MYRIP: variants seen among roughly 807,000 people sequenced by gnomAD.
MYRIP encodes the protein myosin VIIA and Rab interacting protein, also known as rab effector MyRIP.
MYRIP carries 49 observed loss-of-function variants against 98.0 expected under a neutral mutation model. The observed-to-expected ratio is 0.50, with a 90% CI of 0.40 to 0.63. The LOEUF (loss-of-function observed/expected upper bound fraction) is 0.63, where lower values mean the gene tolerates loss of function less well. Among genes scored for constraint, MYRIP ranks in the 30% least tolerant of loss-of-function variants. The pLI is 0.00. For missense variants in MYRIP, 1,004 were observed against 1,058.2 expected (o/e 0.95, Z 0.71); for synonymous variants, 404 against 409.5 (o/e 0.99, Z 0.16).
intron 3 of MYRIP, among the ~76,000 whole-genome samples, chr3:40,118,812 C>T (rs1949337346): frequency 6.6e-6 from 1 of 151,672 alleles, no homozygotes; most frequent in Non-Finnish European, 1.5e-5. Flanking sequence ...TCCATGTGTT[C>T]TCATTCTTCA....
At chr3:40,168,581 G>A (rs1439809967) in intron 7 of MYRIP, among the ~76,000 whole-genome samples, 1 of 152,174 alleles carries the variant, frequency 6.6e-6, no homozygotes, top group East Asian at 1.9e-4. Flanking sequence ...TTTATTTATT[G>A]CTCACACATC....
At chr3:39,976,778 T>A (rs571494229) in intron 2 of MYRIP, among the ~76,000 whole-genome samples, 1 of 152,094 alleles carries the variant, frequency 6.6e-6, no homozygotes, top group African/African-American at 2.4e-5. Context: ...CCATCATTCT[T>A]AGCAAACTAT....
chr3:39,929,844 G>C (rs1455352893), intron 2 of MYRIP, among the ~76,000 whole-genome samples: 1 of 151,926 alleles, frequency 6.6e-6, no homozygotes, highest in Non-Finnish European at 1.5e-5. Flanking sequence ...GTTGCCTTTT[G>C]TGTAGGGCTT....
At chr3:39,831,108 C>A (rs1174229120) in intron 1 of MYRIP, among the ~76,000 whole-genome samples, 1 of 152,128 alleles carries the variant, frequency 6.6e-6, no homozygotes, top group Non-Finnish European at 1.5e-5. Flanking sequence ...CTTGCTTTAC[C>A]TTTACCTTCT....
intron 1 of MYRIP, among the ~76,000 whole-genome samples, chr3:39,880,393 C>T (rs1489500917): frequency 3.3e-5 from 5 of 152,170 alleles, no homozygotes; most frequent in Admixed American, 2.6e-4. Context: ...GCATTTTAAA[C>T]TTTGTTGATG....
In MYRIP at chr3:40,218,647, T is replaced by C. The variant is rs1952228987; in HGVS notation, c.1905+8554T>C. Among the ~76,000 whole-genome samples the C allele has an allele frequency of 1.1e-4, 11 of 102,626 alleles. 1 individual carries two copies. The East Asian group carries it at 2.7e-3, about 25-fold the overall frequency. 67.3% of individuals were successfully genotyped at this position (102,626 alleles called of 152,430 possible). A position where few individuals can be genotyped will look rare whatever the true frequency, so the allele number is the denominator to read the frequency against. On this transcript the variant is annotated intron_variant, in intron 11 of 16. Coordinates refer to ENST00000302541, the MANE Select transcript of MYRIP (RefSeq NM_015460.4). Reference sequence around the variant, plus strand: ...ATATATATATATATATATATATATATATATATATACATACACACACATACA... The same window carrying C: ...ATATATATATATATATATATATATACATATATATACATACACACACATACA...
At chr3:39,929,838 C>T (rs2125698807) in intron 2 of MYRIP, among the ~76,000 whole-genome samples, 1 of 151,992 alleles carries the variant, frequency 6.6e-6, no homozygotes, top group South Asian at 2.1e-4. Flanking sequence ...CAATGTGTTG[C>T]CTTTTGTGTA....
chr3:40,253,053 T>G (rs562516274), intron 16 of MYRIP, among the ~76,000 whole-genome samples: 1 of 152,254 alleles, frequency 6.6e-6, no homozygotes, highest in South Asian at 2.1e-4. Flanking sequence ...ATGAAGACAT[T>G]CTCCATTGCA....
chr3:39,956,269 T>C (rs1945158909), intron 2 of MYRIP, among the ~76,000 whole-genome samples: 1 of 152,128 alleles, frequency 6.6e-6, no homozygotes, highest in Non-Finnish European at 1.5e-5. Flanking sequence ...ATCGACCACA[T>C]AGTTGGAAGT....
At position 40,250,277 on chromosome 3, in the gene MYRIP, C is replaced by A. The variant is rs1163878181; in HGVS notation, c.2318C>A (p.Ala773Glu). 2.5e-6 allele frequency: 4 copies of A among 1,614,018 alleles called. No individual in the cohort carries two copies. The East Asian group carries it at 8.9e-5, about 36-fold the overall frequency. The change falls in exon 14 of 17, where the codon GCA (alanine) becomes GAA (glutamate). Residue 773 changes from alanine to glutamate, a missense_variant. Around this residue, in one of 3 missense-constraint regions of MYRIP, gnomAD observed 108 missense variants for 111.1 expected, o/e 0.97. Transcript: ENST00000302541. ...CTGACCATTGCAGGATTAAACATAG[C>A]ACCATGTGTGCGCTTCACAAGAAGA... Reference protein sequence around the residue: ...SALTIAGLNIAPCVRFTRRRD... With the variant: ...SALTIAGLNIEPCVRFTRRRD...
intron 3 of MYRIP, 127 bp downstream of exon 3, chr3:40,044,398 G>A: frequency 1.1e-6 from 1 of 918,226 alleles, no homozygotes. Context: ...AAAGTAAATA[G>A]CTTGCTGAAG....
intron 3 of MYRIP, among the ~76,000 whole-genome samples, chr3:40,093,378 C>T (rs931671152): frequency 6.6e-6 from 1 of 152,168 alleles, no homozygotes; most frequent in African/African-American, 2.4e-5. Context: ...AACCCAAAAC[C>T]CAAGACCTCA....
In MYRIP at chr3:40,158,683, T is replaced by C. The variant is rs558085835; in HGVS notation, c.470-4047T>C. Among the ~76,000 whole-genome samples, 4 of 152,302 alleles carry C rather than the reference T, an allele frequency of 2.6e-5. No individual in the cohort carries two copies. The East Asian group carries it at 7.7e-4, about 29-fold the overall frequency. On this transcript the variant is annotated intron_variant, in intron 4 of 16. Coordinates refer to ENST00000302541, the MANE Select transcript of MYRIP (RefSeq NM_015460.4). Reference sequence around the variant, plus strand: ...TGCTTTATGAATCTGGGTGCTCCTGTATTGGGTGCATAGATATTTAGGATA... The same window carrying C: ...TGCTTTATGAATCTGGGTGCTCCTGCATTGGGTGCATAGATATTTAGGATA...
chr3:39,831,511 TTTC>T (rs1398987449), intron 1 of MYRIP, among the ~76,000 whole-genome samples: 5 of 152,212 alleles, frequency 3.3e-5, no homozygotes, highest in African/African-American at 1.2e-4. Flanking sequence ...CTTAAAACTT[TTTC>T]TTAATATAAA....
intron 10 of MYRIP, among the ~76,000 whole-genome samples, chr3:40,206,433 G>A (rs1951794120): frequency 6.6e-6 from 1 of 152,070 alleles, no homozygotes; most frequent in Non-Finnish European, 1.5e-5. Flanking sequence ...GTCTTTCTGT[G>A]AACTCAAGAA....
chr3:40,164,621 G>A (rs1259730061), intron 5 of MYRIP, among the ~76,000 whole-genome samples: 1 of 152,170 alleles, frequency 6.6e-6, no homozygotes, highest in Non-Finnish European at 1.5e-5. Flanking sequence ...GGGTACTATA[G>A]CCTAGCCACG....
intron 3 of MYRIP, among the ~76,000 whole-genome samples, chr3:40,113,048 C>T (rs1324903676): frequency 1.3e-5 from 2 of 152,176 alleles, no homozygotes; most frequent in Non-Finnish European, 2.9e-5. Context: ...GTATTAAGAA[C>T]CCAGGGGTGC....
intron 8 of MYRIP, 93 bp from the exon 9 acceptor site, chr3:40,182,127 A>C: frequency 7.4e-7 from 1 of 1,349,484 alleles, no homozygotes; most frequent in Non-Finnish European, 1.0e-6. Flanking sequence ...TGTTTTCTCC[A>C]TGCTGGACAA....
chr3:40,020,457 G>A (rs928748515), intron 2 of MYRIP, among the ~76,000 whole-genome samples: 9 of 152,190 alleles, frequency 5.9e-5, no homozygotes, highest in Non-Finnish European at 1.3e-4. Flanking sequence ...CGCCCTGGCT[G>A]TTTGACAAAT....
Sources: gnomAD v4.1 joint callset for allele counts (sites outside exome capture counted in the v4.1 genomes callset) on GRCh38, gnomAD v4.1.1 for gene constraint, gnomAD v4.1.1 regional missense constraint, MANE v1.5 for transcripts, NCBI Gene and HGNC (gene_info 2026-07-23, HGNC 2026-07-21) for gene names.